BMPR2: variants seen among roughly 807,000 people sequenced by gnomAD.
BMPR2 encodes bone morphogenetic protein receptor type 2.
A neutral mutation model predicts 100.8 loss-of-function variants in BMPR2; 29 were observed. The ratio of observed to expected loss-of-function variants is 0.29; its 90% confidence interval spans 0.21 to 0.39. The LOEUF is 0.39. Among genes scored for constraint, BMPR2 ranks in the 10% least tolerant of loss-of-function variants. The pLI, the probability that BMPR2 is intolerant of heterozygous loss-of-function variation, is 1.00. For synonymous variants in BMPR2, 382 were observed against 442.3 expected (o/e 0.86, Z 1.71); for missense variants, 1,011 against 1,274.5 (o/e 0.79, Z 3.15).
chr2:202,546,993 C>T (rs1399124798), intron 10 of BMPR2, among the ~76,000 whole-genome samples: 2 of 151,972 alleles, frequency 1.3e-5, no homozygotes, highest in Non-Finnish European at 2.9e-5. Flanking sequence ...GTCTTAAACT[C>T]CTGGCCTCAA....
chr2:202,522,604 T>A (rs2103209), intron 7 of BMPR2, among the ~76,000 whole-genome samples: 150,866 of 152,262 alleles, frequency 0.99, 74,759 homozygotes, highest in Middle Eastern at 1. Flanking sequence ...CCGAGGCAGG[T>A]GGACTGCTTG....
At chr2:202,534,802 G>A (rs1278424372) in intron 9 of BMPR2, among the ~76,000 whole-genome samples, 2 of 152,060 alleles carry the variant, frequency 1.3e-5, no homozygotes, top group African/African-American at 2.4e-5. Flanking sequence ...GGTGGTGGCC[G>A]GGCAGAGAGG....
chr2:202,382,920 G>C (rs1192141422), intron 1 of BMPR2, among the ~76,000 whole-genome samples: 1 of 152,196 alleles, frequency 6.6e-6, no homozygotes, highest in Non-Finnish European at 1.5e-5. Context: ...CTGGGAATCT[G>C]CCTTTGATGC....
chr2:202,440,795 G>C (rs1691722651), intron 1 of BMPR2, among the ~76,000 whole-genome samples: 1 of 150,410 alleles, frequency 6.6e-6, no homozygotes, highest in Non-Finnish European at 1.5e-5. Context: ...GGGAGACCGG[G>C]GAGACCGGGG....
At chr2:202,413,821 C>T (rs969548626) in intron 1 of BMPR2, among the ~76,000 whole-genome samples, 8 of 152,006 alleles carry the variant, frequency 5.3e-5, no homozygotes, top group African/African-American at 1.9e-4. Context: ...TGCACTGCCA[C>T]GCCGCCAAAT....
Position 202,444,686 on chromosome 2 carries a change from C to T in BMPR2, c.77-20123C>T, listed in dbSNP as rs1010501071. On this transcript the variant is annotated intron_variant, in intron 1 of 12. Coordinates refer to ENST00000374580, the MANE Select transcript of BMPR2 (RefSeq NM_001204.7). The stretch of plus-strand genomic sequence containing the variant: ...GGAATGATCCATTGTTTTATTTACC[C>T]TTCTTTTTCTCTAGAACTTAACTCT... 3.4e-4 allele frequency among the ~76,000 whole-genome samples: 51 copies of T among 150,668 alleles called. 4 individuals carry two copies. The highest frequency in any genetic ancestry group is 1.3e-3 in the African/African-American group (51 of 40,018).
chr2:202,471,011 A>T (rs1692426980), intron 3 of BMPR2, among the ~76,000 whole-genome samples: 1 of 152,170 alleles, frequency 6.6e-6, no homozygotes, highest in South Asian at 2.1e-4. Flanking sequence ...TTGAGCTGTG[A>T]TCAGGCCCCT....
At chr2:202,449,151 A>T (rs1158978421) in intron 1 of BMPR2, among the ~76,000 whole-genome samples, 1 of 151,930 alleles carries the variant, frequency 6.6e-6, no homozygotes, top group East Asian at 1.9e-4. Context: ...TCTACTAAAA[A>T]TACAGAATTA....
intron 1 of BMPR2, among the ~76,000 whole-genome samples, chr2:202,450,024 T>G (rs964575003): frequency 6.6e-6 from 1 of 151,984 alleles, no homozygotes; most frequent in Non-Finnish European, 1.5e-5. Flanking sequence ...GCAGGGGAAT[T>G]GCTTGACCTA....
At chr2:202,476,040 C>T (rs1692543388) in intron 3 of BMPR2, among the ~76,000 whole-genome samples, 1 of 145,294 alleles carries the variant, frequency 6.9e-6, no homozygotes. Flanking sequence ...CAGCATTGCA[C>T]TCCAGCCTGG....
chr2:202,377,091 C>T lies in BMPR2; in HGVS notation c.-384C>T, dbSNP rs764579978. 4 of 534,750 alleles carry T rather than the reference C, an allele frequency of 7.5e-6. No homozygotes were observed. Among genetic ancestry groups the T allele is most frequent in the Non-Finnish European group, 1.3e-5 (4 of 304,852 alleles). The allele number at this position is 534,750 out of a possible 1,614,324, so 33.1% of individuals were successfully genotyped here. A position where few individuals can be genotyped will look rare whatever the true frequency, so the allele number is the denominator to read the frequency against. On this transcript the variant is annotated 5_prime_UTR_variant, in exon 1 of 13. Coordinates refer to ENST00000374580, the MANE Select transcript of BMPR2 (RefSeq NM_001204.7). ...TCGCCCCCCGACCCCGGATCGAATCCCCGCCCTCCGCACCCTGGATATGTT... is the reference window on the plus strand; with the variant it reads ...TCGCCCCCCGACCCCGGATCGAATCTCCGCCCTCCGCACCCTGGATATGTT...
chr2:202,483,688 C>T (rs1692709474), intron 3 of BMPR2, among the ~76,000 whole-genome samples: 2 of 152,168 alleles, frequency 1.3e-5, no homozygotes, highest in African/African-American at 4.8e-5. Flanking sequence ...TAGGCATGAG[C>T]CACCACGCCC....
At position 202,479,962 on chromosome 2, in the gene BMPR2, T is replaced by C. The variant is rs533508231; in HGVS notation, c.418+12273T>C. Among the ~76,000 whole-genome samples the C allele has an allele frequency of 1.0e-3, 157 of 152,148 alleles. 1 individual carries two copies. The highest frequency in any genetic ancestry group is 1.6e-3 in the Admixed American group (24 of 15,282). ...ATATAAAAATTGTGCATATTTGTCT[T>C]TTTATTGTTGAGTTGTAAAAGTTCT... On this transcript the variant is annotated intron_variant, in intron 3 of 12. Coordinates refer to ENST00000374580, the MANE Select transcript of BMPR2 (RefSeq NM_001204.7).
intron 10 of BMPR2, among the ~76,000 whole-genome samples, chr2:202,548,186 C>T (rs1688409731): frequency 6.6e-6 from 1 of 152,144 alleles, no homozygotes; most frequent in African/African-American, 2.4e-5. Flanking sequence ...GTTCTTTTCA[C>T]ATAGTTTTAG....
intron 1 of BMPR2, among the ~76,000 whole-genome samples, chr2:202,422,600 C>T (rs944558161): frequency 6.6e-6 from 1 of 152,146 alleles, no homozygotes; most frequent in African/African-American, 2.4e-5. Context: ...GCCATCGTGC[C>T]CGGCCATAAA....
At chr2:202,499,982 C>G (rs187612885) in intron 3 of BMPR2, among the ~76,000 whole-genome samples, 2 of 152,280 alleles carry the variant, frequency 1.3e-5, no homozygotes, top group Non-Finnish European at 2.9e-5. Flanking sequence ...AGAAGCTGCC[C>G]CCTCATCCAT....
At position 202,552,799 on chromosome 2, in the gene BMPR2, A is replaced by G. The variant is rs2106042166; in HGVS notation, c.1497A>G (p.Glu499=). 3 of 1,614,218 alleles carry G rather than the reference A, an allele frequency of 1.9e-6. No homozygotes were observed. The highest frequency in any genetic ancestry group is 2.5e-6 in the Non-Finnish European group (3 of 1,180,030). Residue 499 remains glutamate (E), a synonymous_variant, in exon 11 of 13, where the codon GAA becomes GAG. Coordinates refer to ENST00000374580, the MANE Select transcript of BMPR2 (RefSeq NM_001204.7). The part of the protein sequence containing the change: ...EARLTAQCAE[E]RMAELMMIWE... ...GGCTTACTGCACAGTGTGCTGAGGA[A>G]AGGATGGCTGAACTTATGATGATTT...
chr2:202,377,465 T>G lies in BMPR2; in HGVS notation c.-10T>G. The stretch of plus-strand genomic sequence containing the variant: ...TTTCTTTGCCCTCCTGATTCTTGGC[T>G]GGCCCAGGGATGACTTCCTCGCTGC... On this transcript the variant is annotated 5_prime_UTR_variant, in exon 1 of 13. Coordinates refer to ENST00000374580, the MANE Select transcript of BMPR2 (RefSeq NM_001204.7). 6.2e-7 allele frequency: 1 copy of G among 1,614,210 alleles called. No homozygotes were observed. The highest frequency in any genetic ancestry group is 1.3e-5 in the African/African-American group (1 of 75,080).
At chr2:202,493,600 TAATAA>T (rs1463261603) in intron 3 of BMPR2, among the ~76,000 whole-genome samples, 2 of 152,224 alleles carry the variant, frequency 1.3e-5, no homozygotes, top group Non-Finnish European at 2.9e-5. Flanking sequence ...ATTCATTCTT[TAATAA>T]AATAAACAAA....
Sources: allele counts gnomAD v4.1 joint callset (sites outside exome capture counted in the v4.1 genomes callset), GRCh38; gene constraint gnomAD v4.1.1; transcripts MANE v1.5; gene names NCBI Gene and HGNC (gene_info 2026-07-23, HGNC 2026-07-21).